The following PPP2R5E variants were observed in gnomAD, a reference collection of about 807,000 sequenced individuals.
PPP2R5E encodes the protein protein phosphatase 2 regulatory subunit B'epsilon, also known as serine/threonine-protein phosphatase 2A 56 kDa regulatory subunit epsilon isoform.
PPP2R5E carries 4 observed loss-of-function variants against 65.3 expected under a neutral mutation model. That is an observed-to-expected ratio of 0.06 (90% CI 0.03 to 0.14). The LOEUF (loss-of-function observed/expected upper bound fraction) is 0.14, where lower values mean the gene tolerates loss of function less well. Ranked by LOEUF, PPP2R5E falls within the 10% of genes least tolerant of loss-of-function variation. The pLI is 1.00. For missense variants in PPP2R5E, 274 were observed against 556.1 expected, an observed-to-expected ratio of 0.49 and a Z score of 5.10; for synonymous variants, 183 against 187.4, an observed-to-expected ratio of 0.98 and a Z score of 0.19.
At chr14:63,540,452 C>T (rs1368329592) in intron 1 of PPP2R5E, among the ~76,000 whole-genome samples, 2 of 136,346 alleles carry the variant, frequency 1.5e-5, no homozygotes, top group Non-Finnish European at 3.1e-5. Flanking sequence ...AAAAAAAAGC[C>T]AGGCACAGTG....
chr14:63,504,074 A>G (rs896961024), intron 2 of PPP2R5E, among the ~76,000 whole-genome samples: 3 of 152,184 alleles, frequency 2.0e-5, no homozygotes, highest in Non-Finnish European at 2.9e-5. Flanking sequence ...ATCACTCTCT[A>G]AACTACTTCC....
At chr14:63,396,139 G>A (rs1231884002) in intron 6 of PPP2R5E, among the ~76,000 whole-genome samples, 1 of 74,990 alleles carries the variant, frequency 1.3e-5, no homozygotes, top group Non-Finnish European at 2.7e-5. Context: ...AGGAGGAGAG[G>A]GAGGGAGAAA....
intron 2 of PPP2R5E, among the ~76,000 whole-genome samples, chr14:63,461,107 GATGCC>G (rs1372409236): frequency 6.6e-6 from 1 of 152,230 alleles, no homozygotes; most frequent in Non-Finnish European, 1.5e-5. Flanking sequence ...CCACAGGACA[GATGCC>G]ACCAAAGGTT....
At chr14:63,483,004 G>A (rs1218143436) in intron 2 of PPP2R5E, among the ~76,000 whole-genome samples, 1 of 152,104 alleles carries the variant, frequency 6.6e-6, no homozygotes, top group East Asian at 1.9e-4. Flanking sequence ...ATAAACATTA[G>A]AAATAAGAAC....
At chr14:63,504,897 A>G (rs1359414095) in intron 2 of PPP2R5E, among the ~76,000 whole-genome samples, 3 of 152,242 alleles carry the variant, frequency 2.0e-5, no homozygotes, top group Non-Finnish European at 4.4e-5. Context: ...AATGAATGAT[A>G]CCATGCTGTT....
chr14:63,444,117 C>T (rs1040046379), intron 3 of PPP2R5E, among the ~76,000 whole-genome samples: 2 of 152,314 alleles, frequency 1.3e-5, no homozygotes, highest in South Asian at 2.1e-4. Flanking sequence ...GACTGGCCCA[C>T]ATCCACATCT....
In PPP2R5E at chr14:63,543,084, G is replaced by T. The variant is rs184539675; in HGVS notation, c.-313C>A. 1 of 152,466 alleles carries T rather than the reference G, an allele frequency of 6.6e-6. No homozygotes were observed. Among genetic ancestry groups the T allele is most frequent in the Non-Finnish European group, 1.5e-5 (1 of 68,228 alleles). 9.4% of individuals were successfully genotyped at this position (152,466 alleles called of 1,614,324 possible). A position where few individuals can be genotyped will look rare whatever the true frequency, so the allele number is the denominator to read the frequency against. ...CGACCCCGTTGCGGCTCCGCCGGTG[G>T]CTCCTCGCTCACATTCCTGGCGGGC... On this transcript the variant is annotated 5_prime_UTR_variant, in exon 1 of 14. Transcript: ENST00000337537.
intron 2 of PPP2R5E, among the ~76,000 whole-genome samples, chr14:63,502,723 T>C (rs1295972960): frequency 1.3e-5 from 2 of 152,058 alleles, no homozygotes; most frequent in South Asian, 2.1e-4. Flanking sequence ...ATGCCATCTA[T>C]AGGAAGGATA....
chr14:63,517,872 T>C (rs1412435328), intron 2 of PPP2R5E, among the ~76,000 whole-genome samples: 1 of 152,214 alleles, frequency 6.6e-6, no homozygotes, highest in Non-Finnish European at 1.5e-5. Context: ...TGAACTTCAG[T>C]TGGTACTGAC....
intron 3 of PPP2R5E, chr14:63,451,993 T>C (rs1315227206): frequency 6.6e-6 from 1 of 152,212 alleles, no homozygotes; most frequent in Admixed American, 6.5e-5. Context: ...ATATGGTACA[T>C]TCACACAATA....
rs188726937 is a variant in PPP2R5E, at chr14:63,392,826, G to A, written c.850-801C>T. Among the ~76,000 whole-genome samples the A allele has an allele frequency of 2.2e-3, 334 of 152,266 alleles. 2 individuals are homozygous for A. The highest frequency in any genetic ancestry group is 0.01 in the Middle Eastern group (3 of 294). On this transcript the variant is annotated intron_variant, in intron 8 of 13. Transcript: ENST00000337537. Reference sequence around the variant, plus strand: ...TATGCAAACTCAAAACCTTCCCAATGGGGGGAAGAGGGAGTCAGAGTCTGG... The same window carrying A: ...TATGCAAACTCAAAACCTTCCCAATAGGGGGAAGAGGGAGTCAGAGTCTGG...
At chr14:63,456,308 T>A (rs17101183) in intron 2 of PPP2R5E, among the ~76,000 whole-genome samples, 5,907 of 152,302 alleles carry the variant, frequency 0.039, 367 homozygotes, top group African/African-American at 0.13. Context: ...ACTGCAATAG[T>A]ACTCAAGAGA....
intron 2 of PPP2R5E, among the ~76,000 whole-genome samples, chr14:63,492,390 A>G (rs1326273128): frequency 6.6e-6 from 1 of 152,118 alleles, no homozygotes; most frequent in Non-Finnish European, 1.5e-5. Flanking sequence ...ATGGTTGACA[A>G]TGTAAAAAAT....
chr14:63,438,888 G>C (rs1888067702), intron 3 of PPP2R5E, among the ~76,000 whole-genome samples: 1 of 151,866 alleles, frequency 6.6e-6, no homozygotes, highest in Non-Finnish European at 1.5e-5. Flanking sequence ...GAATATGCAA[G>C]TATATCAGGA....
chr14:63,440,874 G>A lies in PPP2R5E; in HGVS notation c.354+12815C>T, dbSNP rs554879884. On this transcript the variant is annotated intron_variant, in intron 3 of 13. Coordinates refer to ENST00000337537, the MANE Select transcript of PPP2R5E (RefSeq NM_006246.5). ...TGAGGCAGGAGAATGGCGTGAGCCC[G>A]GGAGGCGGAGCTTGCAGTGAGCCGA... 2.9e-4 allele frequency among the ~76,000 whole-genome samples: 43 copies of A among 150,482 alleles called. 1 individual carries two copies. The highest frequency in any genetic ancestry group is 2.3e-3 in the South Asian group (11 of 4,772).
In PPP2R5E at chr14:63,404,527, G is replaced by A. The variant is rs1023512861; in HGVS notation, c.550-7811C>T. 3.9e-5 allele frequency among the ~76,000 whole-genome samples: 6 copies of A among 152,136 alleles called. No individual in the cohort carries two copies. In the East Asian group the frequency reaches 5.8e-4, roughly 15 times the overall value. On this transcript the variant is annotated intron_variant, in intron 5 of 13. Coordinates refer to ENST00000337537, the MANE Select transcript of PPP2R5E (RefSeq NM_006246.5). ...TAGTCTGACTCCAGTGAATCAGAAC[G>A]ACTCAAGGGATGCACTGTATAAAAT... is the stretch of plus-strand genomic sequence containing the variant.
chr14:63,512,348 G>T (rs1345461027), intron 2 of PPP2R5E, among the ~76,000 whole-genome samples: 1 of 152,176 alleles, frequency 6.6e-6, no homozygotes, highest in Non-Finnish European at 1.5e-5. Flanking sequence ...ATGATGGGTG[G>T]ATGGAAGGAT....
rs144877261 is a variant in PPP2R5E at position 63,517,582 on chromosome 14, G to A, written c.157+21947C>T. Reference sequence around the variant, plus strand: ...CGTAAACCATCACAAATCCAGTTTCGCTTCAAGCACTGGTACTGAAAAGCA... The same window carrying A: ...CGTAAACCATCACAAATCCAGTTTCACTTCAAGCACTGGTACTGAAAAGCA... On this transcript the variant is annotated intron_variant, in intron 2 of 13. Coordinates refer to ENST00000337537, the MANE Select transcript of PPP2R5E (RefSeq NM_006246.5). Among the ~76,000 whole-genome samples the A allele has an allele frequency of 2.5e-3, 376 of 152,122 alleles. 1 individual carries two copies. Among genetic ancestry groups the A allele is most frequent in the South Asian group, 0.021 (102 of 4,820 alleles).
chr14:63,388,618 G>T (rs918249199), intron 11 of PPP2R5E, among the ~76,000 whole-genome samples: 1 of 152,176 alleles, frequency 6.6e-6, no homozygotes, highest in African/African-American at 2.4e-5. Context: ...GGCTTGTCAT[G>T]ATTTCTATCT....
Sources: gnomAD v4.1 joint callset for allele counts (sites outside exome capture counted in the v4.1 genomes callset) on GRCh38, gnomAD v4.1.1 for gene constraint, MANE v1.5 for transcripts, NCBI Gene and HGNC (gene_info 2026-07-23, HGNC 2026-07-21) for gene names.